Variants in WDR72 observed in about 807,000 individuals in gnomAD.
The protein encoded by WDR72 is WD repeat domain 72, also known as WD repeat-containing protein 72.
Under a neutral mutation model 124.2 loss-of-function variants are expected in WDR72, and 120 were observed. The ratio of observed to expected loss-of-function variants is 0.97; its 90% CI spans 0.83 to 1.12. WDR72 has a LOEUF of 1.12. Ranked by LOEUF, WDR72 falls within the 50% of genes most tolerant of loss-of-function variation. The pLI, the probability that WDR72 is intolerant of heterozygous loss-of-function variation, is 0.00. For synonymous variants in WDR72, 452 were observed against 441.7 expected, an observed-to-expected ratio of 1.02 and a Z score of -0.29; for missense variants, 1,387 against 1,278.8, an observed-to-expected ratio of 1.08 and a Z score of -1.29.
chr15:53,685,724 C>A (rs181403370), intron 13 of WDR72, among the ~76,000 whole-genome samples: 4 of 151,462 alleles, frequency 2.6e-5, no homozygotes, highest in African/African-American at 7.3e-5. Context: ...CGCAAAGATA[C>A]TCCTCGAGAA....
rs114453769 is a variant in WDR72 at position 53,668,275 on chromosome 15, C to T, written c.1766-2507G>A. ...TTTTGTTTTGAAGAACTGATTAAGGCATACACATGACATAAGGAGTGGTTA... is the reference window on the plus strand; with the variant it reads ...TTTTGTTTTGAAGAACTGATTAAGGTATACACATGACATAAGGAGTGGTTA... On this transcript the variant is annotated intron_variant, in intron 13 of 19. Transcript: ENST00000360509. Among the ~76,000 whole-genome samples the T allele has an allele frequency of 2.0e-3, 309 of 152,264 alleles. 2 individuals carry two copies. The highest frequency in any genetic ancestry group is 7.2e-3 in the African/African-American group (300 of 41,556).
chr15:53,754,503 T>A (rs1159771590), intron 1 of WDR72, among the ~76,000 whole-genome samples: 1 of 152,072 alleles, frequency 6.6e-6, no homozygotes, highest in East Asian at 1.9e-4. Flanking sequence ...GGGATCCCTC[T>A]TCTCTGCTTG....
At chr15:53,685,214 T>TGACTTTGAC (rs1283802036) in intron 13 of WDR72, among the ~76,000 whole-genome samples, 1 of 146,930 alleles carries the variant, frequency 6.8e-6, no homozygotes, top group African/African-American at 2.6e-5. Context: ...GGATGGAGAA[T>TGACTTTGAC]GACTTTGACG....
intron 1 of WDR72, among the ~76,000 whole-genome samples, chr15:53,737,445 C>T (rs181418034): frequency 1.9e-4 from 29 of 152,076 alleles, no homozygotes; most frequent in Admixed American, 1.0e-3. Flanking sequence ...AAAATATTAA[C>T]GTAGAAAGGT....
intron 8 of WDR72, 48 bp from the exon 9 acceptor site, chr15:53,711,001 A>T: frequency 6.5e-7 from 1 of 1,536,344 alleles, no homozygotes. Context: ...GAGGTTCTTT[A>T]TTCGTTTTTT....
chr15:53,519,875 G>T (rs1891690722), intron 19 of WDR72, among the ~76,000 whole-genome samples: 1 of 152,032 alleles, frequency 6.6e-6, no homozygotes, highest in Non-Finnish European at 1.5e-5. Flanking sequence ...TCAATTCAGT[G>T]CTGGAGAAGG....
At position 53,582,773 on chromosome 15, in the gene WDR72, A is replaced by G. The variant is rs562715973; in HGVS notation, c.3148+14306T>C. 6.6e-5 allele frequency among the ~76,000 whole-genome samples: 10 copies of G among 152,112 alleles called. No individual in the cohort carries two copies. In the South Asian group the frequency reaches 1.2e-3, roughly 19 times the overall value. On this transcript the variant is annotated intron_variant, in intron 18 of 19. Transcript: ENST00000360509. ...AGCAAATTTACCATGAAGAAATGCA[A>G]TGACTATTTTCAATTTATAAACATC...
chr15:53,550,340 T>G (rs796711598), intron 18 of WDR72, among the ~76,000 whole-genome samples: 68 of 152,288 alleles, frequency 4.5e-4, no homozygotes, highest in African/African-American at 1.6e-3. Context: ...ATAAAACTTT[T>G]TTTACCAAAA....
intron 1 of WDR72, among the ~76,000 whole-genome samples, chr15:53,748,667 T>G (rs1239980392): frequency 6.6e-6 from 1 of 152,144 alleles, no homozygotes; most frequent in Non-Finnish European, 1.5e-5. Context: ...GAAAATCAAG[T>G]CTCTCATACA....
At chr15:53,581,026 ATTAAAT>A (rs1271991146) in intron 18 of WDR72, among the ~76,000 whole-genome samples, 1 of 151,648 alleles carries the variant, frequency 6.6e-6, no homozygotes, top group Non-Finnish European at 1.5e-5. Context: ...AATCTTGTGT[ATTAAAT>A]TTAATAAACT....
chr15:53,583,192 G>A (rs551805996), intron 18 of WDR72, among the ~76,000 whole-genome samples: 3 of 151,898 alleles, frequency 2.0e-5, no homozygotes, highest in Non-Finnish European at 4.4e-5. Context: ...CTGTACCTTA[G>A]TGTTCCTCTC....
chr15:53,562,888 A>T (rs139573596), intron 18 of WDR72, among the ~76,000 whole-genome samples: 2 of 151,946 alleles, frequency 1.3e-5, no homozygotes, highest in Non-Finnish European at 2.9e-5. Flanking sequence ...AGCAATGATG[A>T]ACAATTTTAA....
intron 18 of WDR72, among the ~76,000 whole-genome samples, chr15:53,560,705 C>A (rs1894095606): frequency 6.6e-6 from 1 of 151,830 alleles, no homozygotes; most frequent in Non-Finnish European, 1.5e-5. Flanking sequence ...GTTTCAATGA[C>A]TGGAATTTAT....
rs1345832541 is a variant in WDR72 at position 53,747,394 on chromosome 15, G to A, written c.-13+12239C>T. Among the ~76,000 whole-genome samples, 4 of 152,152 alleles carry A rather than the reference G, an allele frequency of 2.6e-5. No individual in the cohort carries two copies. The East Asian group carries it at 7.7e-4, about 29-fold the overall frequency. ...ATCAACGCCAAGCTCCTCCAAAAAT[G>A]TTGTTACTGAGTAATTAACTGCTAC... On this transcript the variant is annotated intron_variant, in intron 1 of 19. Transcript: ENST00000360509.
At chr15:53,619,605 C>T (rs1187784913) in intron 14 of WDR72, among the ~76,000 whole-genome samples, 2 of 151,962 alleles carry the variant, frequency 1.3e-5, no homozygotes, top group Admixed American at 6.6e-5. Flanking sequence ...TCACTGAATA[C>T]GCATCTCTTA....
chr15:53,515,195 A>C lies in WDR72; in HGVS notation c.*2504T>G, dbSNP rs776855982. The C allele has an allele frequency of 1.9e-4, 29 of 151,768 alleles. No individual in the cohort carries two copies. The highest frequency in any genetic ancestry group is 2.5e-4 in the Non-Finnish European group (17 of 67,942). 9.4% of individuals were successfully genotyped at this position (151,768 alleles called of 1,614,324 possible). A position where few individuals can be genotyped will look rare whatever the true frequency, so the allele number is the denominator to read the frequency against. On this transcript the variant is annotated 3_prime_UTR_variant, in exon 20 of 20. Coordinates refer to ENST00000360509, the MANE Select transcript of WDR72 (RefSeq NM_182758.4). ...ATAAATTTTTTATTACAATGACAGG[A>C]AGACTCCGGATACAAACACATTTGC...
rs893991150 is a variant in WDR72, at chr15:53,613,555, G to A, written c.2872+111C>T. The stretch of plus-strand genomic sequence containing the variant: ...AATCACAAACATAGGTAAAATCTAT[G>A]TTTTATATATGTTATTTATTTTGAC... On this transcript the variant is annotated intron_variant, in intron 16 of 19. Coordinates refer to ENST00000360509, the MANE Select transcript of WDR72 (RefSeq NM_182758.4). 2.4e-5 allele frequency: 18 copies of A among 754,442 alleles called. 1 individual carries two copies. The highest frequency in any genetic ancestry group is 2.0e-4 in the Admixed American group (10 of 49,190). The allele number at this position is 754,442 out of a possible 1,614,324, so 46.7% of individuals were successfully genotyped here.
At chr15:53,719,275 T>A (rs2017805491) in intron 3 of WDR72, among the ~76,000 whole-genome samples, 1 of 152,168 alleles carries the variant, frequency 6.6e-6, no homozygotes, top group Non-Finnish European at 1.5e-5. Context: ...ACTTTCATTT[T>A]TTCTTTGGCA....
chr15:53,761,981 C>G (rs532928948), upstream of WDR72, among the ~76,000 whole-genome samples: 1 of 152,006 alleles, frequency 6.6e-6, no homozygotes, highest in South Asian at 2.1e-4. Flanking sequence ...AACTGAATGA[C>G]TGGGTGGTTT....
Sources: gnomAD v4.1 joint callset for allele counts (sites outside exome capture counted in the v4.1 genomes callset) on GRCh38, gnomAD v4.1.1 for gene constraint, MANE v1.5 for transcripts, NCBI Gene and HGNC (gene_info 2026-07-23, HGNC 2026-07-21) for gene names.